The following UVRAG variants were observed in gnomAD, a reference collection of about 807,000 sequenced individuals.
UVRAG encodes the protein UV radiation resistance associated.
In UVRAG, 19 loss-of-function variants were observed where a neutral mutation model predicts 78.0. That is an observed-to-expected ratio of 0.24 (90% CI 0.17 to 0.36). UVRAG has a LOEUF of 0.36. Ranked by LOEUF, UVRAG falls within the 10% of genes least tolerant of loss-of-function variation. The pLI is 1.00. For missense variants in UVRAG, 740 were observed against 853.8 expected, an observed-to-expected ratio of 0.87 and a Z score of 1.66; for synonymous variants, 323 against 324.6, an observed-to-expected ratio of 1.00 and a Z score of 0.05.
intron 12 of UVRAG, among the ~76,000 whole-genome samples, chr11:76,060,378 G>GA (rs1951059866): frequency 6.6e-6 from 1 of 152,178 alleles, no homozygotes; most frequent in African/African-American, 2.4e-5. Context: ...GTTCCTGAAG[G>GA]AAAAAATGAA....
intron 13 of UVRAG, among the ~76,000 whole-genome samples, chr11:76,098,589 C>G (rs1951827266): frequency 6.6e-6 from 1 of 152,154 alleles, no homozygotes; most frequent in Admixed American, 6.6e-5. Flanking sequence ...AGATAGAAGA[C>G]CACATCATTG....
At chr11:76,044,804 T>A (rs992980586) in intron 12 of UVRAG, among the ~76,000 whole-genome samples, 4 of 151,690 alleles carry the variant, frequency 2.6e-5, no homozygotes, top group South Asian at 2.1e-4. Flanking sequence ...AGAAAAAAAA[T>A]TTTAAAAAGC....
At chr11:75,846,651 G>A (rs1395777017) in intron 1 of UVRAG, among the ~76,000 whole-genome samples, 1 of 151,768 alleles carries the variant, frequency 6.6e-6, no homozygotes, top group African/African-American at 2.4e-5. Flanking sequence ...AAAAGACTTG[G>A]CTGTTGTCTT....
At chr11:76,060,711 A>T (rs1477885586) in intron 12 of UVRAG, among the ~76,000 whole-genome samples, 2 of 152,184 alleles carry the variant, frequency 1.3e-5, no homozygotes, top group Non-Finnish European at 2.9e-5. Flanking sequence ...CACCCGGGCC[A>T]GTGGCTGCCG....
chr11:75,871,553 G>A (rs762330559), intron 3 of UVRAG, among the ~76,000 whole-genome samples: 1 of 150,776 alleles, frequency 6.6e-6, no homozygotes, highest in Non-Finnish European at 1.5e-5. Flanking sequence ...CAAAGTGCTC[G>A]GATTACAGGC....
chr11:75,883,378 A>AAAAAG (rs1205324416), intron 4 of UVRAG, among the ~76,000 whole-genome samples: 1 of 151,582 alleles, frequency 6.6e-6, no homozygotes, highest in Non-Finnish European at 1.5e-5. Context: ...ACAAAAAAAA[A>AAAAAG]AAAAGAAAAG....
chr11:75,833,625 G>A lies in UVRAG; in HGVS notation c.117+18101G>A, dbSNP rs974545653. 5.9e-5 allele frequency among the ~76,000 whole-genome samples: 9 copies of A among 152,266 alleles called. No individual in the cohort carries two copies. The East Asian group carries it at 1.7e-3, about 29-fold the overall frequency. On this transcript the variant is annotated intron_variant, in intron 1 of 14. Transcript: ENST00000356136. ...AGAGGTGTGGAGCTGGAAATCAGGG[G>A]TCTCACAGCCTTCAGAGCTGGGAGC...
intron 1 of UVRAG, among the ~76,000 whole-genome samples, chr11:75,824,832 C>T (rs908130339): frequency 1.3e-5 from 2 of 151,876 alleles, no homozygotes; most frequent in African/African-American, 4.8e-5. Flanking sequence ...TGCCACCACG[C>T]CCGGCTAATT....
intron 8 of UVRAG, among the ~76,000 whole-genome samples, chr11:75,990,426 A>G (rs1311183210): frequency 6.6e-6 from 1 of 152,204 alleles, no homozygotes; most frequent in African/African-American, 2.4e-5. Flanking sequence ...TAATATGATG[A>G]TCAGATGAGT....
At chr11:75,912,090 G>C in intron 6 of UVRAG, 51 bp downstream of exon 6, 1 of 1,363,010 alleles carries the variant, frequency 7.3e-7, no homozygotes. Flanking sequence ...TTCTCATTTT[G>C]AGTTTGTGAC....
intron 3 of UVRAG, among the ~76,000 whole-genome samples, chr11:75,865,764 G>A (rs1193636547): frequency 6.6e-5 from 10 of 151,950 alleles, no homozygotes; most frequent in Admixed American, 3.9e-4. Context: ...ACAGGTGCCC[G>A]CCAGCATGCC....
At chr11:76,059,436 C>T (rs1047984539) in intron 12 of UVRAG, among the ~76,000 whole-genome samples, 1 of 152,186 alleles carries the variant, frequency 6.6e-6, no homozygotes, top group African/African-American at 2.4e-5. Context: ...AGGTAGTAAG[C>T]AAATTGATAA....
intron 12 of UVRAG, among the ~76,000 whole-genome samples, chr11:76,030,133 A>G (rs1221069181): frequency 6.6e-6 from 1 of 151,876 alleles, no homozygotes; most frequent in Non-Finnish European, 1.5e-5. Context: ...TGCTATTTTC[A>G]TATATACTGG....
At chr11:75,883,396 A>G (rs960983480) in intron 4 of UVRAG, among the ~76,000 whole-genome samples, 6 of 151,708 alleles carry the variant, frequency 4.0e-5, no homozygotes, top group African/African-American at 1.2e-4. Flanking sequence ...AAGAAAAAAA[A>G]AAAAGAAAAA....
chr11:75,984,035 T>TA (rs1269659266), intron 8 of UVRAG, among the ~76,000 whole-genome samples: 4 of 152,218 alleles, frequency 2.6e-5, no homozygotes, highest in Non-Finnish European at 1.5e-5. Context: ...GTCCCGGACT[T>TA]ACAATGGTTT....
chr11:75,880,773 T>C (rs1946924402), intron 4 of UVRAG, among the ~76,000 whole-genome samples: 1 of 151,760 alleles, frequency 6.6e-6, no homozygotes, highest in African/African-American at 2.4e-5. Flanking sequence ...CAGGCTGGTC[T>C]CGAACTCCTG....
chr11:75,999,521 C>T (rs1949770786), intron 8 of UVRAG, among the ~76,000 whole-genome samples: 1 of 151,846 alleles, frequency 6.6e-6, no homozygotes, highest in African/African-American at 2.4e-5. Flanking sequence ...GCTGGGATTA[C>T]AGGCGCACAC....
intron 14 of UVRAG, among the ~76,000 whole-genome samples, chr11:76,132,235 C>T (rs1952524781): frequency 6.6e-6 from 1 of 152,248 alleles, no homozygotes; most frequent in African/African-American, 2.4e-5. Context: ...GTAGAGGTCT[C>T]ACTGCCATGA....
chr11:76,039,199 A>G (rs1484855080), intron 12 of UVRAG, among the ~76,000 whole-genome samples: 1 of 152,228 alleles, frequency 6.6e-6, no homozygotes, highest in Admixed American at 6.5e-5. Context: ...TAGGGTATCT[A>G]GGTGGATTAA....
Sources: allele counts gnomAD v4.1 joint callset (sites outside exome capture counted in the v4.1 genomes callset), GRCh38; gene constraint gnomAD v4.1.1; transcripts MANE v1.5; gene names NCBI Gene and HGNC (gene_info 2026-07-23, HGNC 2026-07-21).